Variants in SLC39A10 observed in about 807,000 individuals in gnomAD.
SLC39A10 encodes zinc transporter ZIP10.
SLC39A10 carries 13 observed loss-of-function variants against 65.1 expected under a neutral mutation model. The observed-to-expected ratio is 0.20, with a 90% CI of 0.13 to 0.32. The LOEUF (loss-of-function observed/expected upper bound fraction) is 0.32, where lower values mean the gene tolerates loss of function less well. Ranked by LOEUF, SLC39A10 falls within the 10% of genes least tolerant of loss-of-function variation. SLC39A10 has a pLI of 1.00. For synonymous variants in SLC39A10, 321 were observed against 342.2 expected (o/e 0.94, Z 0.68); for missense variants, 831 against 1,018.4 (o/e 0.82, Z 2.50).
At chr2:195,627,724 C>G (rs1688503520) in intron 2 of SLC39A10, among the ~76,000 whole-genome samples, 1 of 152,118 alleles carries the variant, frequency 6.6e-6, no homozygotes, top group Admixed American at 6.6e-5. Context: ...ACAGATAAGT[C>G]TGAGGGAAGG....
At chr2:195,670,345 C>T (rs1355153420) in intron 1 of SLC39A10, 2 of 151,730 alleles carry the variant, frequency 1.3e-5, no homozygotes, top group Non-Finnish European at 2.9e-5. Context: ...ATCTCACATA[C>T]CATGTTTTTT....
chr2:195,617,022 A>T (rs1445889869), intron 2 of SLC39A10, among the ~76,000 whole-genome samples: 1 of 152,230 alleles, frequency 6.6e-6, no homozygotes, highest in Admixed American at 6.5e-5. Flanking sequence ...TGCTTTTGAT[A>T]GTTAAACTTA....
chr2:195,618,213 T>C (rs1688267821), intron 2 of SLC39A10, among the ~76,000 whole-genome samples: 1 of 151,910 alleles, frequency 6.6e-6, no homozygotes, highest in Non-Finnish European at 1.5e-5. Context: ...TAGCAGGGCA[T>C]GGTGGCACAT....
At chr2:195,699,639 AGACAC>A (rs1691101094) in intron 3 of SLC39A10, among the ~76,000 whole-genome samples, 1 of 152,102 alleles carries the variant, frequency 6.6e-6, no homozygotes, top group African/African-American at 2.4e-5. Flanking sequence ...TGGTAGGAGA[AGACAC>A]TTTGTATTAT....
At chr2:195,619,712 G>T (rs1688309584) in intron 2 of SLC39A10, among the ~76,000 whole-genome samples, 1 of 151,910 alleles carries the variant, frequency 6.6e-6, no homozygotes, top group Admixed American at 6.6e-5. Flanking sequence ...CTTGCAAATG[G>T]AGCATGTAAT....
intron 2 of SLC39A10, among the ~76,000 whole-genome samples, chr2:195,615,595 G>A (rs923609633): frequency 2.3e-4 from 35 of 152,142 alleles, no homozygotes; most frequent in African/African-American, 8.4e-4. Flanking sequence ...GCAGATGATG[G>A]TAATGTGCAG....
At chr2:195,692,717 C>T (rs559535851) in intron 3 of SLC39A10, among the ~76,000 whole-genome samples, 2 of 152,178 alleles carry the variant, frequency 1.3e-5, no homozygotes, top group East Asian at 3.9e-4. Flanking sequence ...TTTACTAGTT[C>T]TGGGAGCTTT....
At position 195,722,021 on chromosome 2, in the gene SLC39A10, A is replaced by G. The variant is rs1692062762; in HGVS notation, c.2146+3689A>G. Reference sequence around the variant, plus strand: ...CACAAGGGCTGATAACCACATGTAGAACAAATGCATTACATACATTAATAG... The same window carrying G: ...CACAAGGGCTGATAACCACATGTAGGACAAATGCATTACATACATTAATAG... On this transcript the variant is annotated intron_variant, in intron 8 of 9. Coordinates refer to ENST00000359634, the MANE Select transcript of SLC39A10 (RefSeq NM_020342.3). 1.3e-5 allele frequency among the ~76,000 whole-genome samples: 2 copies of G among 152,228 alleles called. 1 individual carries two copies. The highest frequency in any genetic ancestry group is 1.3e-4 in the Admixed American group (2 of 15,282).
At position 195,680,105 on chromosome 2, in the gene SLC39A10, T is replaced by C. The variant is rs560506196; in HGVS notation, c.63T>C (p.His21=). ...GTTTGCTGACATTTATTTTTCATCA[T>C]TGCAACCATTGCCATGAAGAACATG... The part of the protein sequence containing the change: ...LICLLTFIFH[H]CNHCHEEHDH... The change falls in exon 2 of 10, where the codon CAT becomes CAC. Residue 21 remains histidine, a synonymous_variant. Coordinates refer to ENST00000359634, the MANE Select transcript of SLC39A10 (RefSeq NM_020342.3). 9 of 1,611,278 alleles carry C rather than the reference T, an allele frequency of 5.6e-6. No individual in the cohort carries two copies. In the South Asian group the frequency reaches 1.0e-4, roughly 18 times the overall value.
intron 2 of SLC39A10, among the ~76,000 whole-genome samples, chr2:195,647,778 C>CAAGG (rs1688955002): frequency 2.0e-5 from 3 of 151,942 alleles, no homozygotes; most frequent in African/African-American, 7.2e-5. Context: ...GTATCAGTTA[C>CAAGG]TTATCAGAGT....
chr2:195,639,239 A>G (rs979953165), intron 2 of SLC39A10, among the ~76,000 whole-genome samples: 1 of 152,216 alleles, frequency 6.6e-6, no homozygotes, highest in African/African-American at 2.4e-5. Flanking sequence ...AGCGTGAGCC[A>G]CTGTATCTGA....
chr2:195,646,526 T>C (rs1688920804), intron 2 of SLC39A10, among the ~76,000 whole-genome samples: 1 of 152,172 alleles, frequency 6.6e-6, no homozygotes, highest in Non-Finnish European at 1.5e-5. Flanking sequence ...CAGGGCCACG[T>C]TTCTTCTGGA....
In SLC39A10 at chr2:195,718,281, G is replaced by A; in HGVS notation, c.2095G>A (p.Gly699Arg). 2 of 1,606,736 alleles carry A rather than the reference G, an allele frequency of 1.2e-6. No homozygotes were observed. The highest frequency in any genetic ancestry group is 2.2e-5 in the South Asian group (2 of 90,144). Residue 699 changes from glycine (G) to arginine (R), a missense_variant, in exon 8 of 10, where the codon GGA becomes AGA. Transcript: ENST00000359634. The stretch of plus-strand genomic sequence containing the variant: ...AGCTTTCAGTGCTGGATTGACAGGA[G>A]GAATCAGTACTTCTATAGCCGTCTT... Reference protein sequence around the residue: ...GAAFSAGLTGGISTSIAVFCH... With the variant: ...GAAFSAGLTGRISTSIAVFCH...
intron 8 of SLC39A10, among the ~76,000 whole-genome samples, chr2:195,724,925 A>G (rs1396820176): frequency 6.6e-6 from 1 of 152,206 alleles, no homozygotes; most frequent in Non-Finnish European, 1.5e-5. Flanking sequence ...GGAATTGGTG[A>G]AAGAGTAGAC....
At chr2:195,662,871 A>G (rs921891845) in intron 1 of SLC39A10, among the ~76,000 whole-genome samples, 4 of 152,230 alleles carry the variant, frequency 2.6e-5, no homozygotes, top group African/African-American at 9.6e-5. Flanking sequence ...ACTTTAGTAG[A>G]AAAATGTTCA....
rs1574332786 is a variant in SLC39A10, at chr2:195,737,369, A to T, written c.*2328A>T. Reference sequence around the variant, plus strand: ...ATCCATATGAATTTTGGTATATATCAATCAATCAATCAATCACATTGCATT... The same window carrying T: ...ATCCATATGAATTTTGGTATATATCTATCAATCAATCAATCACATTGCATT... On this transcript the variant is annotated 3_prime_UTR_variant, in exon 10 of 10. Transcript: ENST00000359634. The T allele has an allele frequency of 2.2e-5, 3 of 136,600 alleles. 1 individual carries two copies. The highest frequency in any genetic ancestry group is 4.6e-4 in the South Asian group (2 of 4,382). The allele number at this position is 136,600 out of a possible 1,614,324, so 8.5% of individuals were successfully genotyped here.
At chr2:195,716,029 A>G (rs1691794943) in intron 6 of SLC39A10, among the ~76,000 whole-genome samples, 1 of 152,028 alleles carries the variant, frequency 6.6e-6, no homozygotes, top group Admixed American at 6.5e-5. Flanking sequence ...CAAGTGTCAG[A>G]GTATCACAAG....
intron 2 of SLC39A10, among the ~76,000 whole-genome samples, chr2:195,623,247 C>A (rs1287087738): frequency 1.3e-5 from 2 of 152,080 alleles, no homozygotes; most frequent in Non-Finnish European, 2.9e-5. Flanking sequence ...GGTTGCCCTG[C>A]CAAATTACCC....
At chr2:195,684,466 C>T (rs748506310) in intron 3 of SLC39A10, among the ~76,000 whole-genome samples, 1 of 152,070 alleles carries the variant, frequency 6.6e-6, no homozygotes, top group South Asian at 2.1e-4. Flanking sequence ...TCATCGTACC[C>T]ACTTGGCTCC....
Sources: gnomAD v4.1 joint callset for allele counts (sites outside exome capture counted in the v4.1 genomes callset) on GRCh38, gnomAD v4.1.1 for gene constraint, MANE v1.5 for transcripts, NCBI Gene and HGNC (gene_info 2026-07-23, HGNC 2026-07-21) for gene names.